Variants in TMEM132D observed in about 807,000 individuals in gnomAD.
The protein encoded by TMEM132D is transmembrane protein 132D, also known as mature OL transmembrane protein.
A neutral mutation model predicts 62.3 loss-of-function variants in TMEM132D; 21 were observed. The ratio of observed to expected loss-of-function variants is 0.34; its 90% CI spans 0.24 to 0.49. The LOEUF is 0.49. Ranked by LOEUF, TMEM132D falls within the 20% of genes least tolerant of loss-of-function variation. TMEM132D has a pLI of 0.99. For synonymous variants in TMEM132D, 621 were observed against 575.6 expected (o/e 1.08, Z -1.13); for missense variants, 1,346 against 1,402.8 (o/e 0.96, Z 0.65).
At chr12:129,783,474 G>A (rs1341308826) in intron 1 of TMEM132D, among the ~76,000 whole-genome samples, 1 of 152,148 alleles carries the variant, frequency 6.6e-6, no homozygotes, top group South Asian at 2.1e-4. Flanking sequence ...CCATCTGATG[G>A]TGTTGGACTT....
chr12:129,526,605 A>G (rs1876049555), intron 3 of TMEM132D, among the ~76,000 whole-genome samples: 1 of 152,120 alleles, frequency 6.6e-6, no homozygotes, highest in Admixed American at 6.5e-5. Context: ...AGAACAGAAC[A>G]CTGATTTTGA....
intron 2 of TMEM132D, among the ~76,000 whole-genome samples, chr12:129,669,801 T>A (rs926153623): frequency 6.6e-6 from 1 of 152,190 alleles, no homozygotes; most frequent in African/African-American, 2.4e-5. Flanking sequence ...CCCTAATTAT[T>A]TACTCATTAT....
At chr12:129,104,406 G>A (rs1875418198) in intron 5 of TMEM132D, among the ~76,000 whole-genome samples, 1 of 152,080 alleles carries the variant, frequency 6.6e-6, no homozygotes, top group South Asian at 2.1e-4. Flanking sequence ...ATGGATTAAA[G>A]ACTTAAATGT....
chr12:129,340,047 A>C (rs1482431917), intron 3 of TMEM132D, among the ~76,000 whole-genome samples: 4 of 152,166 alleles, frequency 2.6e-5, no homozygotes, highest in East Asian at 1.9e-4. Flanking sequence ...AACCTTATAC[A>C]TCTCTTCATA....
chr12:129,150,959 G>A (rs1877052687), intron 5 of TMEM132D, among the ~76,000 whole-genome samples: 1 of 152,190 alleles, frequency 6.6e-6, no homozygotes. Context: ...GGCCAGGCCT[G>A]CCCTGTTCCC....
In TMEM132D at chr12:129,700,704, G is replaced by A. The variant is rs1245069738; in HGVS notation, c.80-6C>T. 5.6e-6 allele frequency: 9 copies of A among 1,600,538 alleles called. No homozygotes were observed. The highest frequency in any genetic ancestry group is 2.7e-5 in the African/African-American group (2 of 74,628). On this transcript the variant is annotated splice_region_variant and splice_polypyrimidine_tract_variant and intron_variant, in intron 1 of 8. Coordinates refer to ENST00000422113, the MANE Select transcript of TMEM132D (RefSeq NM_133448.3). ...GATCCCTCGACCTTCCGTCACTGTG[G>A]GGAGGGAATCGCAGTGCAGGCGTTA...
chr12:129,274,216 T>C (rs1447046782), intron 4 of TMEM132D, among the ~76,000 whole-genome samples: 2 of 152,018 alleles, frequency 1.3e-5, no homozygotes, highest in African/African-American at 4.8e-5. Flanking sequence ...AAGGGCAGTC[T>C]TTCCTCAAAC....
At chr12:129,082,061 C>G (rs2135617000) in intron 6 of TMEM132D, 29 bp from the exon 7 acceptor site, 1 of 1,574,826 alleles carries the variant, frequency 6.3e-7, no homozygotes, top group South Asian at 1.2e-5. Flanking sequence ...AGTTTGCAGA[C>G]AGTTACTTGT....
intron 3 of TMEM132D, among the ~76,000 whole-genome samples, chr12:129,406,837 G>T (rs1464420232): frequency 6.6e-6 from 1 of 152,196 alleles, no homozygotes; most frequent in Non-Finnish European, 1.5e-5. Context: ...CCTATAGCCT[G>T]TACGCCCAGC....
chr12:129,340,704 T>A lies in TMEM132D; in HGVS notation c.1116-2887A>T, dbSNP rs144873904. Among the ~76,000 whole-genome samples, 1,034 of 152,316 alleles carry A rather than the reference T, an allele frequency of 6.8e-3. 8 individuals carry two copies. The highest frequency in any genetic ancestry group is 0.024 in the African/African-American group (984 of 41,564). ...TGCCACATTTTCTTAATCCAGTCTA[T>A]CATTGTTGGACATTTGGGTTGGTTC... is the stretch of plus-strand genomic sequence containing the variant. On this transcript the variant is annotated intron_variant, in intron 3 of 8. Coordinates refer to ENST00000422113, the MANE Select transcript of TMEM132D (RefSeq NM_133448.3).
At chr12:129,860,874 TACTC>T (rs935845310) in intron 1 of TMEM132D, among the ~76,000 whole-genome samples, 3 of 152,178 alleles carry the variant, frequency 2.0e-5, no homozygotes, top group Non-Finnish European at 4.4e-5. Flanking sequence ...CATGAGAACT[TACTC>T]AGTATCACAA....
chr12:129,814,472 T>G (rs906435759), intron 1 of TMEM132D, among the ~76,000 whole-genome samples: 2 of 151,560 alleles, frequency 1.3e-5, no homozygotes, highest in African/African-American at 4.8e-5. Flanking sequence ...TTACCTGGGC[T>G]TGGTGGTGAG....
At chr12:129,750,070 G>T (rs1447155723) in intron 1 of TMEM132D, among the ~76,000 whole-genome samples, 1 of 152,106 alleles carries the variant, frequency 6.6e-6, no homozygotes, top group Non-Finnish European at 1.5e-5. Context: ...TGGCTTGTCA[G>T]AGGATGCCCT....
chr12:129,637,749 A>C (rs1014225334), intron 2 of TMEM132D, among the ~76,000 whole-genome samples: 1 of 152,182 alleles, frequency 6.6e-6, no homozygotes, highest in Non-Finnish European at 1.5e-5. Flanking sequence ...AAGCCTCAGG[A>C]AACTTACAAT....
chr12:129,440,288 T>C (rs1463422639), intron 3 of TMEM132D, among the ~76,000 whole-genome samples: 3 of 152,134 alleles, frequency 2.0e-5, no homozygotes, highest in Non-Finnish European at 4.4e-5. Flanking sequence ...AAGGTGGGTA[T>C]TTGAGAGGAA....
At chr12:129,444,976 C>A (rs1347619702) in intron 3 of TMEM132D, among the ~76,000 whole-genome samples, 3 of 152,178 alleles carry the variant, frequency 2.0e-5, no homozygotes, top group Non-Finnish European at 4.4e-5. Flanking sequence ...AATCCCATTA[C>A]TAGGTATATA....
chr12:129,801,248 G>A (rs902443480), intron 1 of TMEM132D, among the ~76,000 whole-genome samples: 1 of 152,202 alleles, frequency 6.6e-6, no homozygotes, highest in African/African-American at 2.4e-5. Flanking sequence ...GCCTCTGTAG[G>A]CTCCACCTCT....
intron 2 of TMEM132D, among the ~76,000 whole-genome samples, chr12:129,620,305 A>G (rs951636521): frequency 6.6e-6 from 1 of 152,134 alleles, no homozygotes; most frequent in African/African-American, 2.4e-5. Flanking sequence ...CTCCTTCAAA[A>G]ATATGTCAGG....
chr12:129,760,383 G>A (rs1208274543), intron 1 of TMEM132D, among the ~76,000 whole-genome samples: 1 of 138,418 alleles, frequency 7.2e-6, no homozygotes, highest in Non-Finnish European at 1.5e-5. Context: ...CCAGGCTAGA[G>A]TGCAGTGGCG....
Sources: allele counts gnomAD v4.1 joint callset (sites outside exome capture counted in the v4.1 genomes callset), GRCh38; gene constraint gnomAD v4.1.1; transcripts MANE v1.5; gene names NCBI Gene and HGNC (gene_info 2026-07-23, HGNC 2026-07-21).